The following AGL variants were observed in gnomAD, a reference collection of about 807,000 sequenced individuals.
The protein encoded by AGL is amylo-alpha-1,6-glucosidase and 4-alpha-glucanotransferase, also known as glycogen debranching enzyme.
A neutral mutation model predicts 199.3 loss-of-function variants in AGL; 128 were observed. That is an observed-to-expected ratio of 0.64 (90% CI 0.56 to 0.74). The LOEUF (loss-of-function observed/expected upper bound fraction) is 0.74, where lower values mean the gene tolerates loss of function less well. Among genes scored for constraint, AGL ranks in the 30% least tolerant of loss-of-function variants. The pLI is 0.00. For missense variants in AGL, 1,809 were observed against 1,820.8 expected, an observed-to-expected ratio of 0.99 and a Z score of 0.12; for synonymous variants, 584 against 594.7, an observed-to-expected ratio of 0.98 and a Z score of 0.26.
At chr1:99,857,847 A>AGAGGGAGACCGGGGGGGGGGGGAGGGGGG (rs1557743553) in intron 2 of AGL, among the ~76,000 whole-genome samples, 3 of 8,222 alleles carry the variant, frequency 3.6e-4, no homozygotes, top group African/African-American at 4.8e-4. Flanking sequence ...GGGGAGGGGG[A>AGAGGGAGACCGGGGGGGGGGGGAGGGGGG]GGGGGGAAGA....
intron 7 of AGL, among the ~76,000 whole-genome samples, 191 bp downstream of exon 7, chr1:99,871,060 T>TAC (rs1650959820): frequency 6.6e-6 from 1 of 152,226 alleles, no homozygotes; most frequent in African/African-American, 2.4e-5. Flanking sequence ...GTCATAATAA[T>TAC]ACATAACACA....
intron 15 of AGL, 48 bp from the exon 16 acceptor site, chr1:99,881,244 A>T (rs1210226384): frequency 3.1e-6 from 5 of 1,613,690 alleles, no homozygotes; most frequent in Non-Finnish European, 4.2e-6. Context: ...ATTAAAAAAA[A>T]TTCATTGTAA....
chr1:99,870,288 A>T, intron 5 of AGL, 112 bp from the exon 6 acceptor site: 1 of 1,142,994 alleles, frequency 8.7e-7, no homozygotes. Context: ...GATGTCCAAT[A>T]TAGAAAAAAA....
chr1:99,861,033 G>C (rs183443865), intron 2 of AGL, among the ~76,000 whole-genome samples: 1 of 152,338 alleles, frequency 6.6e-6, no homozygotes, highest in Admixed American at 6.5e-5. Context: ...AGTATGGTGA[G>C]ATAATAGTCC....
intron 24 of AGL, among the ~76,000 whole-genome samples, chr1:99,895,670 A>G (rs1197752101): frequency 6.6e-6 from 1 of 152,110 alleles, no homozygotes; most frequent in Non-Finnish European, 1.5e-5. Context: ...TACTCTTTAG[A>G]TTTAATTTAT....
intron 7 of AGL, chr1:99,874,339 A>G (rs916293134): frequency 6.5e-6 from 1 of 152,882 alleles, no homozygotes; most frequent in Non-Finnish European, 1.4e-5. Context: ...AGTATAATAA[A>G]ATATATATAT....
intron 11 of AGL, 25 bp downstream of exon 11, chr1:99,876,622 G>T (rs1361538315): frequency 6.2e-7 from 1 of 1,613,062 alleles, no homozygotes; most frequent in Non-Finnish European, 8.5e-7. Flanking sequence ...ACTTCTCTGT[G>T]GATGGGGAAA....
chr1:99,875,840 T>A (rs67565384), intron 10 of AGL, among the ~76,000 whole-genome samples: 5 of 36,578 alleles, frequency 1.4e-4, no homozygotes, highest in Non-Finnish European at 2.8e-4. Flanking sequence ...TTTTTAAAAA[T>A]ATCTTTGCAA....
intron 7 of AGL, 130 bp downstream of exon 7, chr1:99,870,999 T>C (rs1650952681): frequency 1.5e-6 from 1 of 658,444 alleles, no homozygotes; most frequent in African/African-American, 1.8e-5. Context: ...GTTGATATTA[T>C]AAAACTGTGA....
chr1:99,860,206 G>A lies in AGL; in HGVS notation c.83-1297G>A, dbSNP rs562133277. On this transcript the variant is annotated intron_variant, in intron 2 of 33. Transcript: ENST00000361915. ...TCTTTTGTTCACAGAAAATATCCCT[G>A]TTAGTATATCCTCTTTTATTACTTT... Among the ~76,000 whole-genome samples, 7 of 151,976 alleles carry A rather than the reference G, an allele frequency of 4.6e-5. No individual in the cohort carries two copies. The South Asian group carries it at 1.5e-3, about 32-fold the overall frequency.
At position 99,861,613 on chromosome 1, in the gene AGL, C is replaced by T. The variant is rs772086117; in HGVS notation, c.193C>T (p.Leu65=). 6.2e-7 allele frequency: 1 copy of T among 1,613,936 alleles called. No individual in the cohort carries two copies. Among genetic ancestry groups the T allele is most frequent in the South Asian group, 1.1e-5 (1 of 91,076 alleles). Residue 65 remains leucine (L), a synonymous_variant, in exon 3 of 34, where the codon CTG becomes TTG. Transcript: ENST00000361915. The stretch of plus-strand genomic sequence containing the variant: ...ATTTAATAGAGAAAAATTCCGTTCT[C>T]TGGATTGGGAAAATCCAACAGAAAG... The part of the protein sequence containing the change: ...ETFNREKFRS[L]DWENPTERED...
chr1:99,860,072 T>C (rs951055003), intron 2 of AGL, among the ~76,000 whole-genome samples: 9 of 152,162 alleles, frequency 5.9e-5, no homozygotes, highest in Non-Finnish European at 1.2e-4. Context: ...ATATAAACAT[T>C]CTTAATATAT....
chr1:99,866,366 T>G (rs1650511099), intron 5 of AGL, among the ~76,000 whole-genome samples: 1 of 152,194 alleles, frequency 6.6e-6, no homozygotes, highest in African/African-American at 2.4e-5. Context: ...AGGGAACTAG[T>G]TTCTCTCATG....
chr1:99,910,951 A>G, intron 28 of AGL, 104 bp downstream of exon 28: 1 of 1,281,178 alleles, frequency 7.8e-7, no homozygotes, highest in Non-Finnish European at 1.1e-6. Context: ...ACATTAAGTC[A>G]ATCAAAATTT....
At chr1:99,908,748 A>G (rs1654512347) in intron 27 of AGL, among the ~76,000 whole-genome samples, 2 of 152,048 alleles carry the variant, frequency 1.3e-5, no homozygotes, top group Non-Finnish European at 2.9e-5. Context: ...ATCCTATGAA[A>G]TCTTTCATTT....
At chr1:99,850,909 C>T in intron 1 of AGL, 66 bp from the exon 2 acceptor site, 1 of 782,258 alleles carries the variant, frequency 1.3e-6, no homozygotes, top group Non-Finnish European at 2.3e-6. Context: ...GTAAGTGCCG[C>T]TGTCAGCTCT....
intron 24 of AGL, among the ~76,000 whole-genome samples, chr1:99,894,546 A>G (rs1477229596): frequency 6.6e-6 from 1 of 152,202 alleles, no homozygotes; most frequent in African/African-American, 2.4e-5. Flanking sequence ...TATAAACCAT[A>G]TTAATCATAA....
rs781451112 is a variant in AGL, at chr1:99,877,699, C to A, written c.1482C>A (p.Arg494=). ...LICWGDSVKL[R]YGNKPEDCPY... is the part of the protein sequence containing the mutation. ...GCTGGGGAGACAGTGTTAAATTACG[C>A]TATGGGAATAAACCAGAGGACTGTC... Residue 494 remains arginine, a synonymous_variant, in exon 12 of 34, where the codon CGC becomes CGA. Coordinates refer to ENST00000361915, the MANE Select transcript of AGL (RefSeq NM_000642.3). 1.2e-6 allele frequency: 2 copies of A among 1,613,970 alleles called. No homozygotes were observed. The highest frequency in any genetic ancestry group is 8.5e-7 in the Non-Finnish European group (1 of 1,179,944).
chr1:99,909,994 T>C (rs1012053429), intron 27 of AGL, among the ~76,000 whole-genome samples: 1 of 152,232 alleles, frequency 6.6e-6, no homozygotes, highest in Non-Finnish European at 1.5e-5. Flanking sequence ...ATATTAGATA[T>C]ACCAGTATTA....
Sources: gnomAD v4.1 joint callset for allele counts (sites outside exome capture counted in the v4.1 genomes callset) on GRCh38, gnomAD v4.1.1 for gene constraint, MANE v1.5 for transcripts, NCBI Gene and HGNC (gene_info 2026-07-23, HGNC 2026-07-21) for gene names.